FSD1L: variants seen among roughly 807,000 people sequenced by gnomAD.
FSD1L encodes the protein fibronectin type III and SPRY domain containing 1 like.
A neutral mutation model predicts 71.6 loss-of-function variants in FSD1L; 45 were observed. The observed-to-expected ratio is 0.63, with a 90% confidence interval of 0.49 to 0.81. The LOEUF is 0.81. Among genes scored for constraint, FSD1L ranks in the 30% least tolerant of loss-of-function variants. FSD1L has a pLI of 0.00. For missense variants in FSD1L, 561 were observed against 618.1 expected (o/e 0.91, Z 0.98); for synonymous variants, 197 against 207.2 (o/e 0.95, Z 0.42).
At chr9:105,481,946 T>G (rs776154696) in intron 6 of FSD1L, among the ~76,000 whole-genome samples, 71 of 152,078 alleles carry the variant, frequency 4.7e-4, no homozygotes, top group Non-Finnish European at 7.9e-4. Context: ...TTAATTTTTT[T>G]GTATCTTTTG....
intron 10 of FSD1L, among the ~76,000 whole-genome samples, chr9:105,515,827 C>A (rs1457783152): frequency 6.7e-6 from 1 of 150,112 alleles, no homozygotes; most frequent in African/African-American, 2.5e-5. Flanking sequence ...GCGCCTGGAA[C>A]ACCAGTGAGA....
chr9:105,517,475 C>T (rs1268325712), intron 10 of FSD1L, among the ~76,000 whole-genome samples: 1 of 152,196 alleles, frequency 6.6e-6, no homozygotes, highest in Non-Finnish European at 1.5e-5. Flanking sequence ...TGCAGAAACC[C>T]CACAAGCCAG....
At chr9:105,512,681 T>G (rs1834464528) in intron 9 of FSD1L, 126 bp from the exon 10 acceptor site, 2 of 485,366 alleles carry the variant, frequency 4.1e-6, no homozygotes, top group African/African-American at 2.0e-5. Flanking sequence ...GATTATGAAT[T>G]TGAACTTTAT....
chr9:105,527,538 C>A (rs1835588277), intron 10 of FSD1L, among the ~76,000 whole-genome samples: 1 of 151,930 alleles, frequency 6.6e-6, no homozygotes, highest in African/African-American at 2.4e-5. Context: ...GAATGGGCAT[C>A]TCCTGAGGAA....
At chr9:105,506,357 A>G in intron 7 of FSD1L, 42 bp from the exon 8 acceptor site, 1 of 1,379,184 alleles carries the variant, frequency 7.3e-7, no homozygotes, top group Non-Finnish European at 1.0e-6. Context: ...TGTTGTAATA[A>G]ATGAGGAATG....
intron 10 of FSD1L, among the ~76,000 whole-genome samples, chr9:105,528,005 GCAAA>G (rs757081044): frequency 3.3e-5 from 5 of 151,982 alleles, no homozygotes; most frequent in Non-Finnish European, 7.4e-5. Flanking sequence ...CCAATGACAG[GCAAA>G]CAGAGAGCCA....
At chr9:105,448,470 C>G (rs1829768676) in intron 1 of FSD1L, among the ~76,000 whole-genome samples, 1 of 152,224 alleles carries the variant, frequency 6.6e-6, no homozygotes, top group Admixed American at 6.5e-5. Flanking sequence ...TGCGCGCTGT[C>G]CGGGGCCCTG....
intron 10 of FSD1L, chr9:105,523,829 C>G: frequency 1.3e-6 from 2 of 1,598,366 alleles, no homozygotes; most frequent in Non-Finnish European, 8.6e-7. Context: ...ATACAATCAT[C>G]AAACACTGCT....
intron 5 of FSD1L, among the ~76,000 whole-genome samples, chr9:105,478,683 A>C (rs1017096790): frequency 1.3e-5 from 2 of 152,104 alleles, no homozygotes; most frequent in Non-Finnish European, 2.9e-5. Flanking sequence ...AAAAGACAAA[A>C]GAGATACCTT....
chr9:105,450,413 A>C (rs2131556183), intron 1 of FSD1L, among the ~76,000 whole-genome samples: 1 of 152,346 alleles, frequency 6.6e-6, no homozygotes, highest in Admixed American at 6.5e-5. Flanking sequence ...CCAAGTCTCC[A>C]GTTCTACTAT....
In FSD1L at chr9:105,544,440, A is replaced by T. The variant is rs187728678; in HGVS notation, c.1468-1918A>T. ...AAGCTCTTCAGTTTAATTAGCTCCC[A>T]TTTGTCAATTTTGTCTTTTGTTGCC... On this transcript the variant is annotated intron_variant, in intron 13 of 13. Transcript: ENST00000481272. Among the ~76,000 whole-genome samples the T allele has an allele frequency of 1.3e-3, 202 of 152,136 alleles. 1 individual carries two copies. Among genetic ancestry groups the T allele is most frequent in the Middle Eastern group, 3.4e-3 (1 of 294 alleles).
intron 6 of FSD1L, among the ~76,000 whole-genome samples, chr9:105,481,179 G>GTGTGTGGGT (rs71364100): frequency 3.9e-4 from 45 of 115,362 alleles, no homozygotes; most frequent in Non-Finnish European, 5.5e-4. Context: ...GTGTGTGTGT[G>GTGTGTGGGT]GTTCTTTTTT....
upstream of FSD1L, among the ~76,000 whole-genome samples, chr9:105,445,230 G>T (rs183926387): frequency 6.6e-6 from 1 of 152,266 alleles, no homozygotes; most frequent in Admixed American, 6.5e-5. Context: ...TTCCCAGATG[G>T]GAACGAGGGG....
intron 6 of FSD1L, among the ~76,000 whole-genome samples, chr9:105,480,388 G>T (rs1832092148): frequency 6.6e-6 from 1 of 151,748 alleles, no homozygotes; most frequent in East Asian, 1.9e-4. Flanking sequence ...TGCCTCATGG[G>T]CTCAAGTGAT....
chr9:105,538,053 G>C (rs1226361366), intron 12 of FSD1L, among the ~76,000 whole-genome samples: 1 of 152,088 alleles, frequency 6.6e-6, no homozygotes, highest in Non-Finnish European at 1.5e-5. Context: ...TAGAGTTTTG[G>C]GGGGAAATGA....
chr9:105,515,143 G>A (rs148856942), intron 10 of FSD1L, among the ~76,000 whole-genome samples: 1,804 of 152,192 alleles, frequency 0.012, 52 homozygotes, highest in African/African-American at 0.042. Flanking sequence ...AGTCTGGTGC[G>A]AGAAGGGCAG....
At chr9:105,471,535 T>C (rs1248149492) in intron 4 of FSD1L, among the ~76,000 whole-genome samples, 2 of 152,122 alleles carry the variant, frequency 1.3e-5, no homozygotes, top group Non-Finnish European at 2.9e-5. Flanking sequence ...ATATTCTTTA[T>C]GTATCTTGAA....
At chr9:105,481,837 A>G (rs1588975513) in intron 6 of FSD1L, among the ~76,000 whole-genome samples, 1 of 152,046 alleles carries the variant, frequency 6.6e-6, no homozygotes, top group South Asian at 2.1e-4. Flanking sequence ...CAGTGGCACA[A>G]TCACAGCTTA....
At chr9:105,445,561 C>T (rs1167127119), upstream of FSD1L, among the ~76,000 whole-genome samples, 2 of 152,122 alleles carry the variant, frequency 1.3e-5, no homozygotes, top group Non-Finnish European at 2.9e-5. Context: ...TAAGTCCTTG[C>T]AGCAAGAGAA....
Sources: allele counts gnomAD v4.1 joint callset (sites outside exome capture counted in the v4.1 genomes callset), GRCh38; gene constraint gnomAD v4.1.1; transcripts MANE v1.5; gene names NCBI Gene and HGNC (gene_info 2026-07-23, HGNC 2026-07-21).